Variants in AKAP9 observed in about 807,000 individuals in gnomAD.
The protein encoded by AKAP9 is A-kinase anchoring protein 9.
AKAP9 carries 311 observed loss-of-function variants against 488.5 expected under a neutral mutation model. The observed-to-expected ratio is 0.64, with a 90% CI of 0.58 to 0.70. The LOEUF is 0.70. Ranked by LOEUF, AKAP9 falls within the 30% of genes least tolerant of loss-of-function variation. The pLI is 0.00. For synonymous variants in AKAP9, 1,462 were observed against 1,483.5 expected (o/e 0.99, Z 0.33); for missense variants, 4,215 against 4,374.5 (o/e 0.96, Z 1.03).
At position 92,084,903 on chromosome 7, in the gene AKAP9, G is replaced by A. The variant is rs1455940407; in HGVS notation, c.8795G>A (p.Ser2932Asn). The stretch of plus-strand genomic sequence containing the variant: ...GCATCAGAAGGCCGAGGAGAAGAAA[G>A]TGAAAGTGCAACAGATTCCTTTCCA... The part of the protein sequence containing the change: ...DIASEGRGEE[S>N]ESATDSFPKK... Residue 2932 changes from serine to asparagine, a missense_variant, in exon 35 of 50, where the codon AGT becomes AAT. Physicochemically the swap from Ser to Asn is conservative, Grantham distance 46. This residue lies in a region of AKAP9 where 1,476 missense variants were observed against 1,477.4 expected (regional missense o/e 1.00). Transcript: ENST00000356239. 6.2e-7 allele frequency: 1 copy of A among 1,613,444 alleles called. No homozygotes were observed. The highest frequency in any genetic ancestry group is 1.1e-5 in the South Asian group (1 of 91,044).
intron 7 of AKAP9, among the ~76,000 whole-genome samples, chr7:91,999,800 AT>A (rs1189745142): frequency 6.6e-6 from 1 of 152,158 alleles, no homozygotes; most frequent in African/African-American, 2.4e-5. Context: ...CACTGCCAAC[AT>A]TTCCCTCTGA....
At chr7:92,047,627 A>G (rs1450799560) in intron 21 of AKAP9, among the ~76,000 whole-genome samples, 1 of 152,238 alleles carries the variant, frequency 6.6e-6, no homozygotes, top group Non-Finnish European at 1.5e-5. Flanking sequence ...TGAAGAAGTC[A>G]TTGCTATTCT....
At chr7:91,955,570 T>C (rs573346953) in intron 1 of AKAP9, among the ~76,000 whole-genome samples, 90 of 152,370 alleles carry the variant, frequency 5.9e-4, no homozygotes, top group African/African-American at 2.0e-3. Flanking sequence ...TTCAGTATCA[T>C]GTAGAGCATG....
At chr7:92,107,981 TGCACTCTA>T (rs1187829093) in intron 48 of AKAP9, 1 of 175,444 alleles carries the variant, frequency 5.7e-6, no homozygotes, top group Non-Finnish European at 1.2e-5. Context: ...GTCACGCCAC[TGCACTCTA>T]GCCTGGGCAA....
At chr7:92,062,587 A>G (rs1480173807) in intron 24 of AKAP9, 101 bp downstream of exon 24, 2 of 929,504 alleles carry the variant, frequency 2.2e-6, no homozygotes, top group East Asian at 2.6e-5. Context: ...CATTATTCAT[A>G]TATTTTATAG....
chr7:91,982,102 C>G (rs1183550972), intron 3 of AKAP9, among the ~76,000 whole-genome samples: 1 of 152,098 alleles, frequency 6.6e-6, no homozygotes, highest in Non-Finnish European at 1.5e-5. Context: ...TAGCTGTTTT[C>G]TCACATTGAG....
At chr7:92,078,121 C>T (rs1261924343) in intron 30 of AKAP9, among the ~76,000 whole-genome samples, 4 of 151,928 alleles carry the variant, frequency 2.6e-5, no homozygotes, top group South Asian at 2.1e-4. Flanking sequence ...CTCAGCCTCC[C>T]GAGTAGCTGG....
At chr7:91,972,652 G>T (rs1048855813) in intron 1 of AKAP9, among the ~76,000 whole-genome samples, 7 of 152,212 alleles carry the variant, frequency 4.6e-5, no homozygotes, top group African/African-American at 1.7e-4. Context: ...TCTGTTAGGG[G>T]AAGCGAAGGC....
At chr7:92,105,040 A>G (rs1299879217) in intron 46 of AKAP9, among the ~76,000 whole-genome samples, 1 of 152,162 alleles carries the variant, frequency 6.6e-6, no homozygotes, top group Non-Finnish European at 1.5e-5. Flanking sequence ...CTTATCCAAG[A>G]TTATGTTTAT....
intron 12 of AKAP9, among the ~76,000 whole-genome samples, chr7:92,018,432 A>ACACACACACG (rs1325011734): frequency 7.2e-6 from 1 of 139,314 alleles, no homozygotes; most frequent in East Asian, 2.0e-4. Flanking sequence ...ACACACACAC[A>ACACACACACG]CACACACACA....
intron 44 of AKAP9, 158 bp downstream of exon 44, chr7:92,100,027 T>A: frequency 1.6e-6 from 1 of 638,126 alleles, no homozygotes; most frequent in Non-Finnish European, 2.7e-6. Flanking sequence ...ATAATATTAT[T>A]ACTAAGTTAT....
chr7:92,042,861 T>A, intron 20 of AKAP9, 90 bp downstream of exon 20: 1 of 857,992 alleles, frequency 1.2e-6, no homozygotes, highest in Non-Finnish European at 1.9e-6. Context: ...ATCTTGTACA[T>A]TGATACTTTG....
intron 36 of AKAP9, 66 bp downstream of exon 36, chr7:92,085,752 A>G: frequency 8.6e-7 from 1 of 1,164,080 alleles, no homozygotes; most frequent in Non-Finnish European, 1.2e-6. Context: ...AATACATTAT[A>G]AATTAAATTA....
At position 92,002,223 on chromosome 7, in the gene AKAP9, A is replaced by G. The variant is rs1308738967; in HGVS notation, c.2306A>G (p.Lys769Arg). ...MKEKENDLQE[K>R]FAQLEAENSI... The stretch of plus-strand genomic sequence containing the variant: ...GAAAAAGAGAATGATCTTCAAGAAA[A>G]ATTTGCACAACTTGAAGCAGAGAAT... The change falls in exon 8 of 50, where the codon AAA becomes AGA. Residue 769 changes from lysine to arginine, a missense_variant. Coordinates refer to ENST00000356239, the MANE Select transcript of AKAP9 (RefSeq NM_005751.5). 1 of 1,590,926 alleles carries G rather than the reference A, an allele frequency of 6.3e-7. No individual in the cohort carries two copies. Among genetic ancestry groups the G allele is most frequent in the Admixed American group, 1.9e-5 (1 of 53,562 alleles).
At chr7:92,062,222 G>T (rs1307043086) in intron 23 of AKAP9, 52 bp from the exon 24 acceptor site, 1 of 1,498,806 alleles carries the variant, frequency 6.7e-7, no homozygotes, top group Non-Finnish European at 9.3e-7. Context: ...AAACCTAGTG[G>T]TTGAATTTGA....
chr7:92,093,470 A>T (rs1053897376), intron 39 of AKAP9, among the ~76,000 whole-genome samples, 154 bp downstream of exon 39: 2 of 152,330 alleles, frequency 1.3e-5, no homozygotes, highest in South Asian at 4.1e-4. Context: ...AAAACTCTAA[A>T]TGTTTCCAAA....
chr7:91,975,796 C>G (rs1795588458), intron 2 of AKAP9, among the ~76,000 whole-genome samples: 2 of 151,362 alleles, frequency 1.3e-5, no homozygotes, highest in South Asian at 4.2e-4. Context: ...TGTAGCTATC[C>G]TTTATCAGAT....
rs2285685 is a variant in AKAP9, at chr7:92,058,182, G to A, written c.5602-3078G>A. ...GTATCTTCTGGGATGGATTCTTATA[G>A]CACCTATTTGGCAACTGTCAAAGTC... On this transcript the variant is annotated intron_variant, in intron 22 of 49. Transcript: ENST00000356239. The A allele has an allele frequency of 1.6e-3, 967 of 593,536 alleles. 16 individuals are homozygous for A. The East Asian group carries it at 0.032, about 20-fold the overall frequency. 36.8% of individuals were successfully genotyped at this position (593,536 alleles called of 1,614,324 possible).
chr7:92,096,511 A>AT (rs1018682513), intron 40 of AKAP9, among the ~76,000 whole-genome samples, 178 bp from the exon 41 acceptor site: 1 of 151,740 alleles, frequency 6.6e-6, no homozygotes, highest in African/African-American at 2.4e-5. Context: ...ATTTTTTTGT[A>AT]TTTTTAGTAG....
Sources: gnomAD v4.1 joint callset for allele counts (sites outside exome capture counted in the v4.1 genomes callset) on GRCh38, gnomAD v4.1.1 for gene constraint, gnomAD v4.1.1 regional missense constraint, MANE v1.5 for transcripts, NCBI Gene and HGNC (gene_info 2026-07-23, HGNC 2026-07-21) for gene names.